MALRD1: variants seen among roughly 807,000 people sequenced by gnomAD.
The protein encoded by MALRD1 is MAM and LDL receptor class A domain containing 1, also known as MAM and LDL-receptor class A domain-containing protein 1.
Under a neutral mutation model 242.1 loss-of-function variants are expected in MALRD1, and 247 were observed. The observed-to-expected ratio is 1.02, with a 90% confidence interval of 0.92 to 1.13. The LOEUF (loss-of-function observed/expected upper bound fraction) is 1.13. Among genes scored for constraint, MALRD1 ranks in the 50% most tolerant of loss-of-function variants. The probability of loss-of-function intolerance (pLI) is 0.00; values close to 1 mark genes in which losing one functional copy is unlikely to be tolerated. For missense variants in MALRD1, 2,989 were observed against 2,533.1 expected (o/e 1.18, Z -3.86); for synonymous variants, 995 against 866.6 (o/e 1.15, Z -2.60).
At chr10:19,482,962 C>A (rs973374234) in intron 29 of MALRD1, among the ~76,000 whole-genome samples, 1 of 151,826 alleles carries the variant, frequency 6.6e-6, no homozygotes, top group Non-Finnish European at 1.5e-5. Flanking sequence ...CCATATGGAA[C>A]CATAAAAGAG....
intron 31 of MALRD1, among the ~76,000 whole-genome samples, chr10:19,518,933 A>G (rs1051341642): frequency 1.3e-5 from 2 of 152,144 alleles, no homozygotes; most frequent in Non-Finnish European, 2.9e-5. Context: ...TGCTTTTACA[A>G]TGAATTAGAC....
intron 29 of MALRD1, among the ~76,000 whole-genome samples, chr10:19,463,744 G>C (rs1415430935): frequency 6.6e-6 from 1 of 152,112 alleles, no homozygotes; most frequent in Non-Finnish European, 1.5e-5. Context: ...TAGTGGGATT[G>C]CTGGATCAAA....
chr10:19,522,712 A>G (rs1166329751), intron 31 of MALRD1, among the ~76,000 whole-genome samples: 1 of 152,160 alleles, frequency 6.6e-6, no homozygotes, highest in Non-Finnish European at 1.5e-5. Context: ...TATTATCCCC[A>G]TTTGATAGAT....
At chr10:19,376,168 G>A (rs1307764419) in intron 26 of MALRD1, among the ~76,000 whole-genome samples, 2 of 152,044 alleles carry the variant, frequency 1.3e-5, no homozygotes, top group African/African-American at 2.4e-5. Context: ...AAAAAACTTC[G>A]AGCTCTGTTG....
intron 21 of MALRD1, chr10:19,290,286 C>T (rs951297224): frequency 1.3e-5 from 2 of 152,120 alleles, no homozygotes; most frequent in African/African-American, 4.8e-5. Context: ...TTCCATACAG[C>T]TAGTTTATTA....
intron 29 of MALRD1, among the ~76,000 whole-genome samples, chr10:19,483,370 A>G (rs755433030): frequency 1.3e-5 from 2 of 152,188 alleles, no homozygotes; most frequent in African/African-American, 4.8e-5. Flanking sequence ...TCAACGGACA[A>G]TTTACAGAAT....
rs1554817785 is a variant in MALRD1 at position 19,238,498 on chromosome 10, A to ACATTAT, written c.2992-19186_2992-19185insCATTAT. Among the ~76,000 whole-genome samples, 3 of 7,144 alleles carry ACATTAT rather than the reference A, an allele frequency of 4.2e-4. 1 individual carries two copies. Among genetic ancestry groups the ACATTAT allele is most frequent in the African/African-American group, 1.4e-3 (3 of 2,120 alleles). The allele number at this position is 7,144 out of a possible 152,430, so 4.7% of individuals were successfully genotyped here. A position where few individuals can be genotyped will look rare whatever the true frequency, so the allele number is the denominator to read the frequency against. On this transcript the variant is annotated intron_variant, in intron 18 of 39. Coordinates refer to ENST00000454679, the MANE Select transcript of MALRD1 (RefSeq NM_001142308.3). ...ATAATATACATTATATATAATATAT[A>ACATTAT]ATATAATATATAATGTATATTATAT...
intron 33 of MALRD1, among the ~76,000 whole-genome samples, chr10:19,570,091 A>T (rs1170756357): frequency 6.6e-6 from 1 of 152,022 alleles, no homozygotes; most frequent in Non-Finnish European, 1.5e-5. Context: ...GTCAAGGACG[A>T]TTTAAAAACA....
rs141030856 is a variant in MALRD1, at chr10:19,185,432, T to C, written c.1951+10104T>C. The stretch of plus-strand genomic sequence containing the variant: ...GTCTACTCATGAGAAAAAAAAAACA[T>C]GTAAGTCTCTACTGAGTAGTTGAAT... On this transcript the variant is annotated intron_variant, in intron 14 of 39. Transcript: ENST00000454679. 2.8e-3 allele frequency among the ~76,000 whole-genome samples: 422 copies of C among 152,138 alleles called. 2 individuals carry two copies. The highest frequency in any genetic ancestry group is 9.7e-3 in the African/African-American group (404 of 41,544).
At chr10:19,392,713 A>C (rs1286595747) in intron 28 of MALRD1, among the ~76,000 whole-genome samples, 1 of 152,228 alleles carries the variant, frequency 6.6e-6, no homozygotes. Flanking sequence ...GGATCAAAAA[A>C]ATTGAGAAAT....
At chr10:19,658,901 A>T (rs77154126) in intron 36 of MALRD1, among the ~76,000 whole-genome samples, 1 of 152,170 alleles carries the variant, frequency 6.6e-6, no homozygotes, top group East Asian at 1.9e-4. Flanking sequence ...CATTAAAAAC[A>T]ATCTTGATTT....
chr10:19,126,402 A>AGTT (rs1837284388), intron 7 of MALRD1, among the ~76,000 whole-genome samples: 2 of 152,048 alleles, frequency 1.3e-5, no homozygotes, highest in Non-Finnish European at 2.9e-5. Context: ...TTTTCTATAT[A>AGTT]ATTTACTCTA....
chr10:19,603,963 C>G (rs1838487397), intron 34 of MALRD1, among the ~76,000 whole-genome samples: 2 of 152,162 alleles, frequency 1.3e-5, no homozygotes, highest in South Asian at 4.1e-4. Context: ...TCCCCATTCC[C>G]TGAGGCTGAA....
chr10:19,466,138 C>T (rs997475803), intron 29 of MALRD1, among the ~76,000 whole-genome samples: 1 of 151,876 alleles, frequency 6.6e-6, no homozygotes, highest in African/African-American at 2.4e-5. Flanking sequence ...TTGAGAATTA[C>T]CCATTTATTT....
chr10:19,294,572 A>G (rs1023490053), intron 21 of MALRD1, among the ~76,000 whole-genome samples: 2 of 152,210 alleles, frequency 1.3e-5, no homozygotes, highest in Non-Finnish European at 2.9e-5. Flanking sequence ...GTAGATGTAT[A>G]AAACCCAGCA....
intron 14 of MALRD1, among the ~76,000 whole-genome samples, chr10:19,178,649 G>A (rs1835363419): frequency 6.6e-6 from 1 of 152,190 alleles, no homozygotes; most frequent in Non-Finnish European, 1.5e-5. Context: ...ATATTTAAAA[G>A]CTAGTGTTGA....
chr10:19,249,346 T>C (rs1004755900), intron 18 of MALRD1, among the ~76,000 whole-genome samples: 1 of 151,574 alleles, frequency 6.6e-6, no homozygotes, highest in African/African-American at 2.4e-5. Flanking sequence ...AGTAAAAGGA[T>C]GCAGGATTTG....
intron 18 of MALRD1, among the ~76,000 whole-genome samples, chr10:19,227,668 CA>C (rs757728129): frequency 7.2e-5 from 11 of 151,772 alleles, no homozygotes; most frequent in Non-Finnish European, 1.5e-4. Context: ...AATGAAAAGG[CA>C]AACCACAGAT....
intron 18 of MALRD1, among the ~76,000 whole-genome samples, chr10:19,232,782 G>T (rs1289120899): frequency 1.3e-5 from 2 of 151,976 alleles, no homozygotes; most frequent in Admixed American, 6.6e-5. Context: ...TGAATACAGT[G>T]GTGACAATGC....
Sources: allele counts gnomAD v4.1 joint callset (sites outside exome capture counted in the v4.1 genomes callset), GRCh38; gene constraint gnomAD v4.1.1; transcripts MANE v1.5; gene names NCBI Gene and HGNC (gene_info 2026-07-23, HGNC 2026-07-21).